Variants in ZNF292 observed in about 807,000 individuals in gnomAD.
The protein encoded by ZNF292 is zinc finger protein 292.
A neutral mutation model predicts 217.9 loss-of-function variants in ZNF292; 26 were observed. That is an observed-to-expected ratio of 0.12 (90% CI 0.09 to 0.17). The LOEUF is 0.17. ZNF292 is among the 10% of genes least tolerant of loss of function. ZNF292 has a pLI of 1.00. For synonymous variants in ZNF292, 1,257 were observed against 1,124.1 expected (o/e 1.12, Z -2.37); for missense variants, 2,904 against 3,175.2 (o/e 0.91, Z 2.05).
At chr6:87,218,276 A>T (rs1772889831) in intron 3 of ZNF292, among the ~76,000 whole-genome samples, 1 of 152,128 alleles carries the variant, frequency 6.6e-6, no homozygotes. Flanking sequence ...GAGGATATAA[A>T]ATGTGTAAGG....
chr6:87,240,792 C>T (rs566737420), intron 5 of ZNF292, among the ~76,000 whole-genome samples: 2 of 152,212 alleles, frequency 1.3e-5, no homozygotes, highest in Admixed American at 6.5e-5. Context: ...TCAAGAAATA[C>T]GGATTTTTAT....
intron 1 of ZNF292, among the ~76,000 whole-genome samples, chr6:87,169,013 TGTC>T (rs1771004768): frequency 6.6e-6 from 1 of 151,420 alleles, no homozygotes; most frequent in Admixed American, 6.6e-5. Flanking sequence ...GTATTTTTAT[TGTC>T]GTATTGTTAC....
At chr6:87,243,384 A>G (rs1374861506) in intron 5 of ZNF292, 91 bp from the exon 6 acceptor site, 18 of 1,109,410 alleles carry the variant, frequency 1.6e-5, no homozygotes, top group Middle Eastern at 2.3e-4. Flanking sequence ...CATAAAAACT[A>G]TCTAAATATT....
chr6:87,190,172 A>T (rs564918095), intron 1 of ZNF292, among the ~76,000 whole-genome samples: 1 of 152,362 alleles, frequency 6.6e-6, no homozygotes, highest in South Asian at 2.1e-4. Flanking sequence ...AATTTGTAAG[A>T]TGTAAGTTTC....
intron 4 of ZNF292, among the ~76,000 whole-genome samples, chr6:87,225,419 A>G (rs922228477): frequency 2.6e-5 from 4 of 151,874 alleles, no homozygotes; most frequent in Admixed American, 2.6e-4. Context: ...TGCTTTTGGT[A>G]TTTTATCTAA....
chr6:87,164,607 TTTC>T (rs1038230227), intron 1 of ZNF292, among the ~76,000 whole-genome samples: 19 of 152,300 alleles, frequency 1.2e-4, no homozygotes, highest in African/African-American at 4.6e-4. Flanking sequence ...CTGCTTCTGC[TTTC>T]TTTTTTGTCA....
In ZNF292 at chr6:87,259,158, C is replaced by G; in HGVS notation, c.5529C>G (p.Gly1843=). ...ATCAAATACAGGAAATTTTAGAAGG[C>G]TTACAGAAATTAAAATTAGAAAATG... The part of the protein sequence containing the change: ...KEDQIQEILE[G]LQKLKLENDL... Residue 1843 remains glycine (G), a synonymous_variant, in exon 8 of 8, where the codon GGC becomes GGG. Transcript: ENST00000369577. 6.2e-7 allele frequency: 1 copy of G among 1,613,282 alleles called. No homozygotes were observed. Among genetic ancestry groups the G allele is most frequent in the African/African-American group, 1.3e-5 (1 of 75,002 alleles).
In ZNF292 at chr6:87,260,630, A is replaced by T. The variant is rs890621431; in HGVS notation, c.7001A>T (p.Lys2334Ile). 1 of 1,612,568 alleles carries T rather than the reference A, an allele frequency of 6.2e-7. No individual in the cohort carries two copies. ...GAAGGAATAAAAATGCCCAAGACCA[A>T]ACGAAAGAAAAAAAATAATTTAGAA... ...GKEGIKMPKT[K>I]RKKKNNLENK... Residue 2334 changes from lysine to isoleucine, a missense_variant, in exon 8 of 8, where the codon AAA (lysine) becomes ATA (isoleucine). Coordinates refer to ENST00000369577, the MANE Select transcript of ZNF292 (RefSeq NM_015021.3).
chr6:87,163,319 T>C (rs1050314555), intron 1 of ZNF292, among the ~76,000 whole-genome samples: 1 of 151,926 alleles, frequency 6.6e-6, no homozygotes, highest in African/African-American at 2.4e-5. Context: ...GGTGTGGTGA[T>C]GGACACCTGT....
chr6:87,194,369 A>G (rs980132549), intron 1 of ZNF292, among the ~76,000 whole-genome samples: 18 of 151,888 alleles, frequency 1.2e-4, no homozygotes, highest in African/African-American at 4.4e-4. Flanking sequence ...ATTAGAAAAA[A>G]AAGTTCAAAT....
In ZNF292 at chr6:87,247,062, C is replaced by G. The variant is rs969957010; in HGVS notation, c.1020+1418C>G. Among the ~76,000 whole-genome samples, 206 of 151,264 alleles carry G rather than the reference C, an allele frequency of 1.4e-3. 1 individual carries two copies. The highest frequency in any genetic ancestry group is 4.7e-3 in the African/African-American group (192 of 41,132). On this transcript the variant is annotated intron_variant, in intron 7 of 7. Coordinates refer to ENST00000369577, the MANE Select transcript of ZNF292 (RefSeq NM_015021.3). The stretch of plus-strand genomic sequence containing the variant: ...CCCAGCTACTCTGGAAGCTGAGACA[C>G]AGGAATCGCTTGAGCCCAGGAGGTG...
intron 1 of ZNF292, among the ~76,000 whole-genome samples, chr6:87,175,723 T>C (rs1309951307): frequency 1.3e-5 from 2 of 152,248 alleles, no homozygotes; most frequent in Non-Finnish European, 2.9e-5. Context: ...GTTCAAAGAC[T>C]ATTCATGTGC....
At chr6:87,228,496 A>G (rs1265020057) in intron 4 of ZNF292, among the ~76,000 whole-genome samples, 3 of 152,182 alleles carry the variant, frequency 2.0e-5, no homozygotes, top group Non-Finnish European at 4.4e-5. Context: ...TAGCCAAGAA[A>G]TCATTGCCAG....
chr6:87,257,177 A>T lies in ZNF292; in HGVS notation c.3548A>T (p.Gln1183Leu). The T allele has an allele frequency of 6.2e-7, 1 of 1,613,912 alleles. No individual in the cohort carries two copies. Among genetic ancestry groups the T allele is most frequent in the Non-Finnish European group, 8.5e-7 (1 of 1,179,860 alleles). ...AATGGGAATCCTGCTTGTTCGGCCCAGTTGCAGCATGTCTCGCCACCCATT... is the reference window on the plus strand; with the variant it reads ...AATGGGAATCCTGCTTGTTCGGCCCTGTTGCAGCATGTCTCGCCACCCATT... ...KANGNPACSA[Q>L]LQHVSPPIFP... The change falls in exon 8 of 8, where the codon CAG becomes CTG. Residue 1183 changes from glutamine (Q) to leucine (L), a missense_variant. Physicochemically the swap from Gln to Leu is moderately radical, Grantham distance 113. Around this residue, in one of 15 missense-constraint regions of ZNF292, gnomAD observed 687 missense variants for 623.0 expected, o/e 1.10. Transcript: ENST00000369577.
rs189803505 is a variant in ZNF292, at chr6:87,210,724, G to C, written c.169-5179G>C. On this transcript the variant is annotated intron_variant, in intron 1 of 7. Coordinates refer to ENST00000369577, the MANE Select transcript of ZNF292 (RefSeq NM_015021.3). ...GAACCCGGGAGGCGGAGCTTGCTGT[G>C]AGCCGAGATCATGCCACTGCATTCC... 5.7e-3 allele frequency among the ~76,000 whole-genome samples: 863 copies of C among 152,174 alleles called. 8 individuals are homozygous for C. Among genetic ancestry groups the C allele is most frequent in the African/African-American group, 0.02 (826 of 41,496 alleles).
intron 1 of ZNF292, 88 bp downstream of exon 1, chr6:87,155,847 C>T (rs1185219944): frequency 7.0e-7 from 1 of 1,425,258 alleles, no homozygotes; most frequent in Non-Finnish European, 9.2e-7. Context: ...AGGTGGTCGC[C>T]GCTTCCTTGG....
intron 5 of ZNF292, among the ~76,000 whole-genome samples, chr6:87,242,851 G>A (rs1774368025): frequency 6.6e-6 from 1 of 152,104 alleles, no homozygotes. Context: ...CTTCATCTAG[G>A]TTATACGTAC....
intron 1 of ZNF292, among the ~76,000 whole-genome samples, chr6:87,202,584 A>C (rs1772128024): frequency 6.6e-6 from 1 of 152,086 alleles, no homozygotes; most frequent in African/African-American, 2.4e-5. Flanking sequence ...TTTAAAGGGA[A>C]ATGCTTCTAA....
intron 4 of ZNF292, among the ~76,000 whole-genome samples, chr6:87,230,221 A>G (rs890334377): frequency 4.6e-5 from 7 of 152,186 alleles, no homozygotes; most frequent in African/African-American, 1.7e-4. Context: ...TGAAACAGCT[A>G]GTCAAAGATG....
Sources: gnomAD v4.1 joint callset for allele counts (sites outside exome capture counted in the v4.1 genomes callset) on GRCh38, gnomAD v4.1.1 for gene constraint, gnomAD v4.1.1 regional missense constraint, MANE v1.5 for transcripts, NCBI Gene and HGNC (gene_info 2026-07-23, HGNC 2026-07-21) for gene names.